BRCA1: variants seen among roughly 807,000 people sequenced by gnomAD.
BRCA1 encodes the protein BRCA1 DNA repair associated.
Under a neutral mutation model 173.7 loss-of-function variants are expected in BRCA1, and 140 were observed. That is an observed-to-expected ratio of 0.81 (90% CI 0.70 to 0.93). BRCA1 has a LOEUF of 0.93. Among genes scored for constraint, BRCA1 ranks in the 40% least tolerant of loss-of-function variants. BRCA1 has a pLI of 0.00. For missense variants in BRCA1, 1,983 were observed against 2,172.5 expected (o/e 0.91, Z 1.73); for synonymous variants, 662 against 756.0 (o/e 0.88, Z 2.04).
Position 43,045,579 on chromosome 17 carries a change from G to T in BRCA1, c.*99C>A, listed in dbSNP as rs763829102. On this transcript the variant is annotated 3_prime_UTR_variant, in exon 23 of 23. Coordinates refer to ENST00000357654, the MANE Select transcript of BRCA1 (RefSeq NM_007294.4). ...AAAATATTTAGTAGCCAGGACAGTA[G>T]AAGGACTGAAGAGTGAGAGGAGCTC... The T allele has an allele frequency of 7.9e-6, 12 of 1,518,418 alleles. No homozygotes were observed. In the African/African-American group the frequency reaches 1.5e-4, roughly 19 times the overall value. 94.1% of individuals were successfully genotyped at this position (1,518,418 alleles called of 1,614,324 possible).
At chr17:43,066,812 CTTTTTTTTTTTTT>C (rs34253779) in intron 16 of BRCA1, among the ~76,000 whole-genome samples, 1 of 112,274 alleles carries the variant, frequency 8.9e-6, no homozygotes, top group Non-Finnish European at 1.7e-5. Flanking sequence ...CCCTCCAAAC[CTTTTTTTTTTTTT>C]TTTTTTTTTG....
At chr17:43,090,826 A>G (rs2053421992) in intron 11 of BRCA1, 118 bp downstream of exon 11, 2 of 983,782 alleles carry the variant, frequency 2.0e-6, no homozygotes. Context: ...TGAACCACAA[A>G]CAATTGTGCC....
intron 1 of BRCA1, among the ~76,000 whole-genome samples, chr17:43,154,516 G>C (rs1181274607): frequency 2.0e-5 from 3 of 151,730 alleles, no homozygotes; most frequent in Non-Finnish European, 4.4e-5. Context: ...CTCCAGCCTG[G>C]GTGACAGAGC....
At chr17:43,160,577 ATTGAT>A (rs557781402) in intron 1 of BRCA1, 127 of 152,252 alleles carry the variant, frequency 8.3e-4, no homozygotes, top group African/African-American at 3.1e-3. Flanking sequence ...TAGGTCCGGG[ATTGAT>A]TTTCAACTAC....
Position 43,093,663 on chromosome 17 carries a change from A to G in BRCA1, c.1868T>C (p.Leu623Pro), listed in dbSNP as rs397508915. Residue 623 changes from leucine to proline, a missense_variant, in exon 10 of 23, where the codon CTT becomes CCT. Physicochemically the swap from Leu to Pro is moderately conservative, Grantham distance 98 (BLOSUM62 -3). Coordinates refer to ENST00000357654, the MANE Select transcript of BRCA1 (RefSeq NM_007294.4). ...TAGATTTCTACTGACTACTAGTTCA[A>G]GCGCATGAATATGCCTGGTAGAAGA... ...RKSSTRHIHA[L>P]ELVVSRNLSP... 1 of 1,614,030 alleles carries G rather than the reference A, an allele frequency of 6.2e-7. No individual in the cohort carries two copies. Among genetic ancestry groups the G allele is most frequent in the Non-Finnish European group, 8.5e-7 (1 of 1,180,028 alleles).
chr17:43,116,284 A>G (rs1487992888), intron 2 of BRCA1, among the ~76,000 whole-genome samples: 1 of 152,252 alleles, frequency 6.6e-6, no homozygotes, highest in East Asian at 1.9e-4. Context: ...AAAATGAACT[A>G]TATGGACCAT....
At chr17:43,127,818 A>G (rs906741733), upstream of BRCA1, among the ~76,000 whole-genome samples, 1 of 151,968 alleles carries the variant, frequency 6.6e-6, no homozygotes. Flanking sequence ...AGGTCAAGAG[A>G]TCGAGACCAT....
At chr17:43,135,029 G>C (rs1391314746) in intron 1 of BRCA1, among the ~76,000 whole-genome samples, 1 of 152,232 alleles carries the variant, frequency 6.6e-6, no homozygotes, top group African/African-American at 2.4e-5. Flanking sequence ...CCCTTGCCAT[G>C]GTTTCGTTGT....
At chr17:43,151,175 G>T (rs998872836) in intron 1 of BRCA1, among the ~76,000 whole-genome samples, 1 of 152,152 alleles carries the variant, frequency 6.6e-6, no homozygotes, top group African/African-American at 2.4e-5. Context: ...GGGACTTTGG[G>T]TATCTATTTA....
intron 6 of BRCA1, 103 bp from the exon 7 acceptor site, chr17:43,099,983 T>C: frequency 1.1e-6 from 1 of 914,422 alleles, no homozygotes; most frequent in Non-Finnish European, 1.8e-6. Flanking sequence ...TTGACCATCA[T>C]CAGTCAGCTA....
chr17:43,166,927 C>A (rs1318510045), intron 1 of BRCA1: 1 of 152,170 alleles, frequency 6.6e-6, no homozygotes, highest in Non-Finnish European at 1.5e-5. Context: ...CATGGGTGAT[C>A]AGGCCATGCT....
chr17:43,055,393 A>C (rs1324285730), intron 19 of BRCA1, among the ~76,000 whole-genome samples: 1 of 152,192 alleles, frequency 6.6e-6, no homozygotes, highest in Non-Finnish European at 1.5e-5. Context: ...CATGCTTGTA[A>C]TCCCAGCACT....
intron 15 of BRCA1, among the ~76,000 whole-genome samples, chr17:43,069,219 G>A (rs2052280237): frequency 6.6e-6 from 1 of 152,200 alleles, no homozygotes; most frequent in African/African-American, 2.4e-5. Flanking sequence ...CTGATTAATT[G>A]CTGAAATCCC....
Position 43,091,809 on chromosome 17 carries a change from G to C in BRCA1, c.3722C>G (p.Ser1241Cys), listed in dbSNP as rs80357143. 6.2e-7 allele frequency: 1 copy of C among 1,614,192 alleles called. No individual in the cohort carries two copies. Among genetic ancestry groups the C allele is most frequent in the Non-Finnish European group, 8.5e-7 (1 of 1,180,030 alleles). ...FGKVNNIPSQ[S>C]TRHSTVATEC... The stretch of plus-strand genomic sequence containing the variant: ...GGTAGCAACGGTGCTATGCCTAGTA[G>C]ACTGAGAAGGTATATTGTTTACTTT... Residue 1241 changes from serine to cysteine, a missense_variant, in exon 10 of 23, where the codon TCT (serine) becomes TGT (cysteine). Transcript: ENST00000357654.
intron 21 of BRCA1, among the ~76,000 whole-genome samples, 187 bp downstream of exon 21, chr17:43,048,934 T>A (rs533285038): frequency 6.6e-6 from 1 of 152,104 alleles, no homozygotes; most frequent in Non-Finnish European, 1.5e-5. Context: ...TCCCTCAGTA[T>A]ATTTAATATG....
chr17:43,159,698 A>T (rs1355742912), intron 1 of BRCA1: 1 of 218,638 alleles, frequency 4.6e-6, no homozygotes, highest in East Asian at 1.6e-4. Flanking sequence ...CAGGGACACA[A>T]ACACTGCGGA....
At chr17:43,107,134 G>A (rs1309481757) in intron 3 of BRCA1, among the ~76,000 whole-genome samples, 3 of 142,076 alleles carry the variant, frequency 2.1e-5, no homozygotes, top group African/African-American at 5.3e-5. Context: ...GCACGATCTC[G>A]GCTCACTGCA....
chr17:43,165,904 T>G (rs1339462780), intron 1 of BRCA1: 1 of 151,964 alleles, frequency 6.6e-6, no homozygotes, highest in Non-Finnish European at 1.5e-5. Context: ...TGTGCACATG[T>G]ACCCTAAAAC....
At chr17:43,072,875 GT>G (rs533819030) in intron 14 of BRCA1, among the ~76,000 whole-genome samples, 175 of 142,814 alleles carry the variant, frequency 1.2e-3, no homozygotes, top group Admixed American at 2.0e-3. Flanking sequence ...GCCCCAGCTA[GT>G]TTTTTTTTTT....
Sources: gnomAD v4.1 joint callset for allele counts (sites outside exome capture counted in the v4.1 genomes callset) on GRCh38, gnomAD v4.1.1 for gene constraint, MANE v1.5 for transcripts, NCBI Gene and HGNC (gene_info 2026-07-23, HGNC 2026-07-21) for gene names.